The following NFIB variants were observed in gnomAD, a reference collection of about 807,000 sequenced individuals.
The protein encoded by NFIB is nuclear factor I B.
Under a neutral mutation model 61.5 loss-of-function variants are expected in NFIB, and 11 were observed. The observed-to-expected ratio is 0.18, with a 90% CI of 0.11 to 0.30. The LOEUF (loss-of-function observed/expected upper bound fraction) is 0.30. Ranked by LOEUF, NFIB falls within the 10% of genes least tolerant of loss-of-function variation. NFIB has a pLI of 1.00. For missense variants in NFIB, 471 were observed against 608.9 expected, an observed-to-expected ratio of 0.77 and a Z score of 2.38; for synonymous variants, 260 against 216.5, an observed-to-expected ratio of 1.20 and a Z score of -1.76.
intron 2 of NFIB, among the ~76,000 whole-genome samples, chr9:14,265,147 G>C (rs911942685): frequency 6.6e-6 from 1 of 152,156 alleles, no homozygotes; most frequent in Non-Finnish European, 1.5e-5. Context: ...AGGATTTGGA[G>C]AAAAGGTTGT....
intron 2 of NFIB, among the ~76,000 whole-genome samples, chr9:14,296,469 T>G (rs1257307499): frequency 1.3e-5 from 2 of 152,240 alleles, no homozygotes; most frequent in Non-Finnish European, 2.9e-5. Flanking sequence ...TTCCCCAAAT[T>G]CCTACGTTGA....
At chr9:14,529,295 T>TA in the NFIB span, among the ~76,000 whole-genome samples, 1 of 152,116 alleles carries the variant, frequency 6.6e-6, no homozygotes, top group Non-Finnish European at 1.5e-5. Context: ...AAACAGACAA[T>TA]AAGTCAGGAA....
intron 2 of NFIB, among the ~76,000 whole-genome samples, chr9:14,264,182 C>CAA (rs58028341): frequency 2.2e-5 from 3 of 137,152 alleles, no homozygotes; most frequent in African/African-American, 8.0e-5. Context: ...TAAAATTGAC[C>CAA]AAAAAAAAAA....
chr9:14,458,867 A>C, the NFIB span, among the ~76,000 whole-genome samples: 5 of 151,748 alleles, frequency 3.3e-5, no homozygotes, highest in African/African-American at 1.2e-4. Context: ...GAAATAAAAG[A>C]GGATACAAAC....
chr9:14,516,219 T>C, the NFIB span, among the ~76,000 whole-genome samples: 199 of 152,130 alleles, frequency 1.3e-3, 1 homozygote, highest in African/African-American at 4.7e-3. Context: ...GCAAAGAAAA[T>C]AGCTAGCCAC....
intron 1 of NFIB, chr9:14,357,538 A>G (rs2061190593): frequency 6.6e-6 from 1 of 152,192 alleles, no homozygotes. Flanking sequence ...TAGTGACCCA[A>G]TATTCAAGAG....
intron 2 of NFIB, among the ~76,000 whole-genome samples, chr9:14,251,987 T>G (rs2132139835): frequency 6.6e-6 from 1 of 152,326 alleles, no homozygotes; most frequent in Middle Eastern, 3.4e-3. Context: ...TGCATGGTAG[T>G]AAGACATTAA....
intron 2 of NFIB, among the ~76,000 whole-genome samples, chr9:14,292,256 T>A (rs1180993848): frequency 6.6e-6 from 1 of 152,112 alleles, no homozygotes; most frequent in African/African-American, 2.4e-5. Flanking sequence ...TCCCAAACTG[T>A]AAAGTGAGAA....
chr9:14,304,882 G>A (rs1247707879), intron 2 of NFIB, among the ~76,000 whole-genome samples: 2 of 152,076 alleles, frequency 1.3e-5, no homozygotes, highest in Non-Finnish European at 2.9e-5. Context: ...TTTTGAAAAG[G>A]GGAAAACACA....
the NFIB span, among the ~76,000 whole-genome samples, chr9:14,461,153 A>G: frequency 3.9e-5 from 6 of 152,234 alleles, no homozygotes; most frequent in East Asian, 9.7e-4. Context: ...TACACCACCA[A>G]TTGGTAACTG....
At chr9:14,268,409 T>C (rs1191957421) in intron 2 of NFIB, among the ~76,000 whole-genome samples, 1 of 152,062 alleles carries the variant, frequency 6.6e-6, no homozygotes, top group African/African-American at 2.4e-5. Flanking sequence ...CTCCTCCACT[T>C]CGCCTACACA....
At chr9:14,240,203 G>A (rs1332170960) in intron 2 of NFIB, among the ~76,000 whole-genome samples, 1 of 152,002 alleles carries the variant, frequency 6.6e-6, no homozygotes, top group Non-Finnish European at 1.5e-5. Context: ...CCTAAAGTTT[G>A]GAAAAATTCC....
the NFIB span, among the ~76,000 whole-genome samples, chr9:14,430,878 G>A: frequency 1.1e-4 from 16 of 152,164 alleles, no homozygotes; most frequent in African/African-American, 2.6e-4. Flanking sequence ...CACCACGTCC[G>A]GCCCTGAAAT....
the NFIB span, among the ~76,000 whole-genome samples, chr9:14,523,653 C>T: frequency 1.3e-5 from 2 of 152,144 alleles, no homozygotes; most frequent in Admixed American, 6.6e-5. Flanking sequence ...TCCAAAGTCA[C>T]TTTGCCTTGA....
Position 14,262,693 on chromosome 9 carries a change from C to T in NFIB, c.562+44296G>A, listed in dbSNP as rs146802936. ...ATTCTGTTACTGTTGACAATCCTAACTTACTAGAGACAGAACCGACAGCGG... is the reference window on the plus strand; with the variant it reads ...ATTCTGTTACTGTTGACAATCCTAATTTACTAGAGACAGAACCGACAGCGG... On this transcript the variant is annotated intron_variant, in intron 2 of 10. Coordinates refer to ENST00000380953, the MANE Select transcript of NFIB (RefSeq NM_001190737.2). 3.3e-3 allele frequency among the ~76,000 whole-genome samples: 505 copies of T among 152,278 alleles called. 4 individuals carry two copies. Among genetic ancestry groups the T allele is most frequent in the African/African-American group, 0.011 (464 of 41,560 alleles).
At chr9:14,363,376 T>C (rs1040358321) in intron 1 of NFIB, among the ~76,000 whole-genome samples, 20 of 152,168 alleles carry the variant, frequency 1.3e-4, no homozygotes, top group African/African-American at 4.6e-4. Context: ...ATTATTACAA[T>C]GGCTTATAGA....
At chr9:14,499,038 G>A in the NFIB span, among the ~76,000 whole-genome samples, 5 of 151,656 alleles carry the variant, frequency 3.3e-5, no homozygotes, top group South Asian at 8.4e-4. Context: ...GTGTGTGTGT[G>A]CACGTGTGTA....
At chr9:14,418,235 A>C in the NFIB span, among the ~76,000 whole-genome samples, 1 of 152,112 alleles carries the variant, frequency 6.6e-6, no homozygotes, top group Admixed American at 6.5e-5. Flanking sequence ...CCCACATTTC[A>C]AAGAAATAAA....
At chr9:14,419,287 TAA>T in the NFIB span, among the ~76,000 whole-genome samples, 37 of 127,012 alleles carry the variant, frequency 2.9e-4, no homozygotes, top group Non-Finnish European at 3.3e-4. Flanking sequence ...GCAGCACTGT[TAA>T]AAAAAAAAAA....
Sources: allele counts gnomAD v4.1 joint callset (sites outside exome capture counted in the v4.1 genomes callset), GRCh38; gene constraint gnomAD v4.1.1; transcripts MANE v1.5; gene names NCBI Gene and HGNC (gene_info 2026-07-23, HGNC 2026-07-21).